The following PRPF6 variants were observed in gnomAD, a reference collection of about 807,000 sequenced individuals.
The protein encoded by PRPF6 is pre-mRNA processing factor 6.
In PRPF6, 42 loss-of-function variants were observed where a neutral mutation model predicts 118.3. That is an observed-to-expected ratio of 0.35 (90% CI 0.28 to 0.46). The LOEUF (loss-of-function observed/expected upper bound fraction) is 0.46, where lower values mean the gene tolerates loss of function less well. Ranked by LOEUF, PRPF6 falls within the 20% of genes least tolerant of loss-of-function variation. The probability of loss-of-function intolerance (pLI) is 1.00; values close to 1 mark genes in which losing one functional copy is unlikely to be tolerated. For missense variants in PRPF6, 662 were observed against 1,255.7 expected, an observed-to-expected ratio of 0.53 and a Z score of 7.15; for synonymous variants, 481 against 485.1, an observed-to-expected ratio of 0.99 and a Z score of 0.11.
In PRPF6 at chr20:64,001,102, C is replaced by T; in HGVS notation, c.1049C>T (p.Ala350Val). The change falls in exon 9 of 21, where the codon GCC (alanine) becomes GTC (valine). Residue 350 changes from alanine to valine, a missense_variant. Ala to Val is a moderately conservative substitution (Grantham distance 64). Transcript: ENST00000266079. ...AGTGAAGATGTCTGGCTGGAAGCAG[C>T]CAGGTTGCAGCCTGGGGACACAGCC... ...PKSEDVWLEAARLQPGDTAKA... is the reference protein window; with the variant it reads ...PKSEDVWLEAVRLQPGDTAKA... The T allele has an allele frequency of 1.2e-6, 2 of 1,614,116 alleles. No homozygotes were observed. The highest frequency in any genetic ancestry group is 1.3e-5 in the African/African-American group (1 of 75,064).
intron 11 of PRPF6, among the ~76,000 whole-genome samples, chr20:64,016,247 G>A (rs753003687): frequency 5.9e-5 from 9 of 151,818 alleles, no homozygotes; most frequent in African/African-American, 2.2e-4. Flanking sequence ...TCGGCCTCCC[G>A]AGTAAGCTGG....
At position 64,027,286 on chromosome 20, in the gene PRPF6, C is replaced by G; in HGVS notation, c.2205+128C>G. On this transcript the variant is annotated intron_variant, in intron 16 of 20. Transcript: ENST00000266079. This position sits in a 1 kb window ranked among gnomAD's most constrained non-coding sequence, Gnocchi z 6.5. The stretch of plus-strand genomic sequence containing the variant: ...GGGCTGGGGGTTACAGCTGATGGAG[C>G]TGCAGACTCAGGACCCAAACCCTGG... 7.8e-7 allele frequency: 1 copy of G among 1,278,384 alleles called. No individual in the cohort carries two copies. The highest frequency in any genetic ancestry group is 1.1e-6 in the Non-Finnish European group (1 of 906,316). 79.2% of individuals were successfully genotyped at this position (1,278,384 alleles called of 1,614,324 possible). A position where few individuals can be genotyped will look rare whatever the true frequency, so the allele number is the denominator to read the frequency against.
rs574426167 is a variant in PRPF6 at position 63,985,111 on chromosome 20, C to T, written c.359+86C>T. ...AGGCGCAGTGGCTCACGTGTGTAATCCTAGCACTTTGAGAGGCTGAGGTAG... is the reference window on the plus strand; with the variant it reads ...AGGCGCAGTGGCTCACGTGTGTAATTCTAGCACTTTGAGAGGCTGAGGTAG... On this transcript the variant is annotated intron_variant, in intron 3 of 20. Coordinates refer to ENST00000266079, the MANE Select transcript of PRPF6 (RefSeq NM_012469.4). The T allele has an allele frequency of 3.7e-6, 4 of 1,090,574 alleles. No individual in the cohort carries two copies. In the African/African-American group the frequency reaches 4.7e-5, roughly 13 times the overall value. 67.6% of individuals were successfully genotyped at this position (1,090,574 alleles called of 1,614,324 possible).
intron 8 of PRPF6, among the ~76,000 whole-genome samples, chr20:64,000,049 T>G (rs910335433): frequency 5.1e-4 from 78 of 152,016 alleles, no homozygotes; most frequent in Non-Finnish European, 9.7e-4. Flanking sequence ...CCTGCCAGGT[T>G]CACACCATTG....
Position 63,981,284 on chromosome 20 carries a change from G to C in PRPF6, c.39G>C (p.Ala13=). 1 of 1,607,710 alleles carries C rather than the reference G, an allele frequency of 6.2e-7. No individual in the cohort carries two copies. Among genetic ancestry groups the C allele is most frequent in the Non-Finnish European group, 8.5e-7 (1 of 1,177,188 alleles). ...KKKKPFLGMP[A]PLGYVPGLGR... is the part of the protein sequence containing the mutation. ...AGAAACCGTTCCTAGGGATGCCCGCGCCCCTCGGCTACGTGCCGGGGCTGG... is the reference window on the plus strand; with the variant it reads ...AGAAACCGTTCCTAGGGATGCCCGCCCCCCTCGGCTACGTGCCGGGGCTGG... Residue 13 remains alanine (A), a synonymous_variant, in exon 1 of 21, where the codon GCG becomes GCC. Coordinates refer to ENST00000266079, the MANE Select transcript of PRPF6 (RefSeq NM_012469.4).
At chr20:64,001,378 T>G in intron 9 of PRPF6, 139 bp downstream of exon 9, 2 of 1,058,438 alleles carry the variant, frequency 1.9e-6, no homozygotes, top group East Asian at 2.6e-5. Context: ...CAGGCTGGGT[T>G]GCCTCTGCCC....
At chr20:63,982,538 A>G (rs1028823725) in intron 1 of PRPF6, among the ~76,000 whole-genome samples, 4 of 152,234 alleles carry the variant, frequency 2.6e-5, no homozygotes, top group African/African-American at 9.6e-5. Context: ...AAGTAGAGGA[A>G]GGCTAAAGGC....
Position 64,011,550 on chromosome 20 carries a change from G to C in PRPF6, c.1524+47G>C, listed in dbSNP as rs1353090341. 4 of 1,565,410 alleles carry C rather than the reference G, an allele frequency of 2.6e-6. No individual in the cohort carries two copies. The highest frequency in any genetic ancestry group is 3.5e-6 in the Non-Finnish European group (4 of 1,153,648). Reference sequence around the variant, plus strand: ...TGGTGTCTGCTTTAACAGTGCACATGCAGCACGTGAGAGTCCCACGCAGGA... The same window carrying C: ...TGGTGTCTGCTTTAACAGTGCACATCCAGCACGTGAGAGTCCCACGCAGGA... On this transcript the variant is annotated intron_variant, in intron 11 of 20. Transcript: ENST00000266079. This position sits in a 1 kb window ranked among gnomAD's most constrained non-coding sequence, Gnocchi z 6.7.
Position 64,027,491 on chromosome 20 carries a change from C to T in PRPF6, c.2206-112C>T, listed in dbSNP as rs1471100203. On this transcript the variant is annotated intron_variant, in intron 16 of 20. Transcript: ENST00000266079. This position sits in a 1 kb window ranked among gnomAD's most constrained non-coding sequence, Gnocchi z 6.5. The stretch of plus-strand genomic sequence containing the variant: ...AGTGTGAGGGGTGTTTTTCCATGGA[C>T]ATGGCAGCCCTGAGGGACTCGGTCA... 15 of 1,483,304 alleles carry T rather than the reference C, an allele frequency of 1.0e-5. 1 individual carries two copies. In the South Asian group the frequency reaches 1.7e-4, roughly 17 times the overall value. The allele number at this position is 1,483,304 out of a possible 1,614,324, so 91.9% of individuals were successfully genotyped here.
In PRPF6 at chr20:64,011,212, G is replaced by A; in HGVS notation, c.1306-73G>A. ...AACGTGGTGGCCAACGCTGGAGGGT[G>A]GGTCGCTGTCTGGCCTGCAGCTGTC... is the stretch of plus-strand genomic sequence containing the variant. On this transcript the variant is annotated intron_variant, in intron 10 of 20. Transcript: ENST00000266079. The surrounding 1 kb of genome is among the most constrained non-coding windows in gnomAD (Gnocchi z 6.7). The A allele has an allele frequency of 7.2e-7, 1 of 1,390,540 alleles. No individual in the cohort carries two copies. Among genetic ancestry groups the A allele is most frequent in the South Asian group, 1.2e-5 (1 of 84,512 alleles). The allele number at this position is 1,390,540 out of a possible 1,614,324, so 86.1% of individuals were successfully genotyped here. A position where few individuals can be genotyped will look rare whatever the true frequency, so the allele number is the denominator to read the frequency against.
At chr20:64,001,914 C>A (rs2059167923) in intron 9 of PRPF6, among the ~76,000 whole-genome samples, 1 of 151,696 alleles carries the variant, frequency 6.6e-6, no homozygotes, top group Admixed American at 6.6e-5. Flanking sequence ...GTAGATGCTG[C>A]TCTTGAACTG....
intron 13 of PRPF6, among the ~76,000 whole-genome samples, chr20:64,024,054 A>G (rs2059277189): frequency 6.6e-6 from 1 of 152,216 alleles, no homozygotes; most frequent in Non-Finnish European, 1.5e-5. Flanking sequence ...GGTGGGCCAC[A>G]TGAGAGTCCA....
chr20:64,021,045 C>T (rs1328443885), intron 12 of PRPF6, among the ~76,000 whole-genome samples: 2 of 152,252 alleles, frequency 1.3e-5, no homozygotes, highest in African/African-American at 4.8e-5. Flanking sequence ...GCTTGGCCTC[C>T]CAGGGTGCTG....
At position 63,984,950 on chromosome 20, in the gene PRPF6, A is replaced by G; in HGVS notation, c.284A>G (p.Glu95Gly). 1 of 1,613,968 alleles carries G rather than the reference A, an allele frequency of 6.2e-7. No individual in the cohort carries two copies. Among genetic ancestry groups the G allele is most frequent in the East Asian group, 2.2e-5 (1 of 44,892 alleles). Residue 95 changes from glutamate (E) to glycine (G), a missense_variant, in exon 3 of 21, where the codon GAG (glutamate) becomes GGG (glycine). Glu to Gly is a moderately conservative substitution (Grantham distance 98). Transcript: ENST00000266079. ...AGSLFSSGPYEKDDEEADAIY... is the reference protein window; with the variant it reads ...AGSLFSSGPYGKDDEEADAIY... ...AGCCTCTTCTCAAGTGGACCCTACG[A>G]GAAAGATGATGAGGAAGCAGATGCT...
At chr20:64,023,081 G>T (rs2059273561) in intron 13 of PRPF6, among the ~76,000 whole-genome samples, 1 of 152,214 alleles carries the variant, frequency 6.6e-6, no homozygotes, top group Non-Finnish European at 1.5e-5. Flanking sequence ...GGACAGCAAT[G>T]ATACCATTTT....
At chr20:64,001,846 T>C (rs1198270712) in intron 9 of PRPF6, among the ~76,000 whole-genome samples, 1 of 152,168 alleles carries the variant, frequency 6.6e-6, no homozygotes, top group Non-Finnish European at 1.5e-5. Flanking sequence ...GTTTGTTTAT[T>C]TTTATTACTG....
intron 12 of PRPF6, among the ~76,000 whole-genome samples, chr20:64,017,235 G>A (rs897404182): frequency 5.3e-5 from 8 of 151,166 alleles, no homozygotes; most frequent in East Asian, 3.9e-4. Flanking sequence ...GAGCCACCGC[G>A]CCCGGCCTCC....
At chr20:63,983,882 A>C (rs2059082262) in intron 2 of PRPF6, among the ~76,000 whole-genome samples, 1 of 151,994 alleles carries the variant, frequency 6.6e-6, no homozygotes, top group Admixed American at 6.6e-5. Flanking sequence ...CGAACTCCTG[A>C]CTTCAGGTTG....
intron 12 of PRPF6, among the ~76,000 whole-genome samples, 159 bp from the exon 13 acceptor site, chr20:64,022,598 G>A (rs2059271538): frequency 2.0e-5 from 3 of 152,098 alleles, no homozygotes; most frequent in Non-Finnish European, 2.9e-5. Context: ...GTGAGCCACC[G>A]CACCTGGCCT....
Sources: allele counts gnomAD v4.1 joint callset (sites outside exome capture counted in the v4.1 genomes callset), GRCh38; gene constraint gnomAD v4.1.1; non-coding constraint Gnocchi (gnomAD v3.1); transcripts MANE v1.5; gene names NCBI Gene and HGNC (gene_info 2026-07-23, HGNC 2026-07-21).